CCDC142: variants seen among roughly 807,000 people sequenced by gnomAD.
CCDC142 encodes coiled-coil domain-containing protein 142.
In CCDC142, 67 loss-of-function variants were observed where a neutral mutation model predicts 83.8. The ratio of observed to expected loss-of-function variants is 0.80; its 90% CI spans 0.66 to 0.98. The LOEUF (loss-of-function observed/expected upper bound fraction) is 0.98. Among genes scored for constraint, CCDC142 ranks in the 50% least tolerant of loss-of-function variants. The pLI is 0.00. For synonymous variants in CCDC142, 421 were observed against 421.2 expected (o/e 1.00, Z 0.01); for missense variants, 905 against 946.8 (o/e 0.96, Z 0.58).
At position 74,482,008 on chromosome 2, in the gene CCDC142, C is replaced by A. The variant is rs562865810; in HGVS notation, c.830G>T (p.Gly277Val). The A allele has an allele frequency of 6.2e-7, 1 of 1,613,898 alleles. No homozygotes were observed. Among genetic ancestry groups the A allele is most frequent in the Admixed American group, 1.7e-5 (1 of 60,016 alleles). ...RCQEEGDLLP[G>V]LLGLVGGVAG... ...CACGCCCCCGACCAGGCCCAGCAGC[C>A]CTGGTAGCAGATCCCCCTCCTCTTG... Residue 277 changes from glycine (G) to valine (V), a missense_variant, in exon 1 of 9, where the codon GGG becomes GTG. Physicochemically the swap from Gly to Val is moderately radical, Grantham distance 109 (BLOSUM62 -3). Around this residue, in one of 3 missense-constraint regions of CCDC142, gnomAD observed 591 missense variants for 571.4 expected, o/e 1.03. Transcript: ENST00000393965. This position sits in a 1 kb window ranked among gnomAD's most constrained non-coding sequence, Gnocchi z 5.0.
chr2:74,475,998 A>G (rs1672314843), intron 5 of CCDC142, among the ~76,000 whole-genome samples: 1 of 150,474 alleles, frequency 6.6e-6, no homozygotes, highest in African/African-American at 2.4e-5. Context: ...TTTACTATAC[A>G]AGAGCTTTAA....
intron 5 of CCDC142, among the ~76,000 whole-genome samples, chr2:74,477,141 C>G (rs968933314): frequency 3.3e-5 from 5 of 151,032 alleles, no homozygotes; most frequent in African/African-American, 1.2e-4. Context: ...TTTTTGAGAC[C>G]AAGTTTCGCT....
chr2:74,472,864 G>A lies in CCDC142; in HGVS notation c.*1682C>T. On this transcript the variant is annotated 3_prime_UTR_variant, in exon 9 of 9. Coordinates refer to ENST00000393965, the MANE Select transcript of CCDC142 (RefSeq NM_001365575.2). Reference sequence around the variant, plus strand: ...GGCACAACGCATGGGGGAGCCCAAAGTAGGCTGTCAGCAAATACAGCCTAT... The same window carrying A: ...GGCACAACGCATGGGGGAGCCCAAAATAGGCTGTCAGCAAATACAGCCTAT... 2 of 607,398 alleles carry A rather than the reference G, an allele frequency of 3.3e-6. No individual in the cohort carries two copies. The highest frequency in any genetic ancestry group is 5.8e-6 in the Non-Finnish European group (2 of 342,846). The allele number at this position is 607,398 out of a possible 1,614,324, so 37.6% of individuals were successfully genotyped here.
Position 74,480,827 on chromosome 2 carries a change from G to A in CCDC142, c.1445C>T (p.Ala482Val). 3 of 1,613,950 alleles carry A rather than the reference G, an allele frequency of 1.9e-6. No individual in the cohort carries two copies. Among genetic ancestry groups the A allele is most frequent in the Non-Finnish European group, 2.5e-6 (3 of 1,179,866 alleles). ...GCCCAGCTGCTGCTCCACTTCCAGA[G>A]CTAAGCTTTCCTCTGAGGCCAGGCT... ...LYSLASEESL[A>V]LEVEQQLGLE... Residue 482 changes from alanine to valine, a missense_variant, in exon 5 of 9, where the codon GCT becomes GTT. Physicochemically the swap from Ala to Val is moderately conservative, Grantham distance 64. Coordinates refer to ENST00000393965, the MANE Select transcript of CCDC142 (RefSeq NM_001365575.2).
At chr2:74,479,356 A>C (rs970794534) in intron 5 of CCDC142, among the ~76,000 whole-genome samples, 1 of 152,216 alleles carries the variant, frequency 6.6e-6, no homozygotes, top group African/African-American at 2.4e-5. Flanking sequence ...CTGAGCAGGA[A>C]AACAAAAAAC....
chr2:74,480,206 G>C (rs1270321361), intron 5 of CCDC142, among the ~76,000 whole-genome samples: 1 of 152,182 alleles, frequency 6.6e-6, no homozygotes, highest in African/African-American at 2.4e-5. Flanking sequence ...ACCATGAGTT[G>C]ATAATTGTTA....
rs1461174152 is a variant in CCDC142, at chr2:74,474,476, T to C, written c.*70A>G. ...AGTTCTGGGCTTCCTTAATATGCAA[T>C]TCCAAATGTCTGGATTTTCCAGCTA... On this transcript the variant is annotated 3_prime_UTR_variant, in exon 9 of 9. Coordinates refer to ENST00000393965, the MANE Select transcript of CCDC142 (RefSeq NM_001365575.2). 6.6e-7 allele frequency: 1 copy of C among 1,504,082 alleles called. No homozygotes were observed. Among genetic ancestry groups the C allele is most frequent in the East Asian group, 2.3e-5 (1 of 44,056 alleles). 93.2% of individuals were successfully genotyped at this position (1,504,082 alleles called of 1,614,324 possible).
chr2:74,475,099 G>T lies in CCDC142; in HGVS notation c.1813C>A (p.Gln605Lys), dbSNP rs745782867. 7 of 1,611,148 alleles carry T rather than the reference G, an allele frequency of 4.3e-6. No individual in the cohort carries two copies. The East Asian group carries it at 1.6e-4, about 36-fold the overall frequency. Residue 605 changes from glutamine (Q) to lysine (K), a missense_variant, in exon 8 of 9, where the codon CAG (glutamine) becomes AAG (lysine). By Grantham distance (53) the Gln-to-Lys change is moderately conservative. Around this residue, in one of 3 missense-constraint regions of CCDC142, gnomAD observed 265 missense variants for 288.9 expected, o/e 0.92. Transcript: ENST00000393965. ...ACCACTCCAAAGTCTTGTTTGAGCT[G>T]CAGCGCTCCCTGCAGGCTGAAGGCA... ...GIRFSLQGAL[Q>K]LKQDFGVVRE...
intron 8 of CCDC142, 41 bp downstream of exon 8, chr2:74,474,874 GT>G: frequency 6.3e-7 from 1 of 1,580,124 alleles, no homozygotes; most frequent in Non-Finnish European, 8.6e-7. Flanking sequence ...TGAGAATAGG[GT>G]TTGGGACACA....
intron 5 of CCDC142, among the ~76,000 whole-genome samples, chr2:74,477,078 A>G (rs1180331805): frequency 1.3e-5 from 2 of 151,532 alleles, no homozygotes; most frequent in East Asian, 3.9e-4. Flanking sequence ...TCCCCCACCC[A>G]CTGGGATCTT....
intron 1 of CCDC142, 102 bp from the exon 2 acceptor site, chr2:74,481,640 C>T (rs1672468876): frequency 2.2e-6 from 3 of 1,392,636 alleles, no homozygotes; most frequent in Admixed American, 1.8e-5. Context: ...CTCCAAGACT[C>T]GGGACTGGGG....
rs1335903304 is a variant in CCDC142 at position 74,482,259 on chromosome 2, G to A, written c.579C>T (p.Pro193=). The A allele has an allele frequency of 6.8e-6, 11 of 1,612,798 alleles. No homozygotes were observed. The South Asian group carries it at 1.1e-4, about 16-fold the overall frequency. Reference sequence around the variant, plus strand: ...GTTGGGACGACAGGCCCGGGCTGGCGGGCTCCCGGCCGAGAGCGCGAAGCT... The same window carrying A: ...GTTGGGACGACAGGCCCGGGCTGGCAGGCTCCCGGCCGAGAGCGCGAAGCT... ...EMQLRALGRE[P]ASPGLSSQLA... is the part of the protein sequence containing the mutation. The change falls in exon 1 of 9, where the codon CCC becomes CCT. Residue 193 remains proline, a synonymous_variant. Transcript: ENST00000393965. The surrounding 1 kb of genome is among the most constrained non-coding windows in gnomAD (Gnocchi z 5.0).
In CCDC142 at chr2:74,482,216, C is replaced by A; in HGVS notation, c.622G>T (p.Ala208Ser). The change falls in exon 1 of 9, where the codon GCA becomes TCA. Residue 208 changes from alanine (A) to serine (S), a missense_variant. Around this residue, in one of 3 missense-constraint regions of CCDC142, gnomAD observed 591 missense variants for 571.4 expected, o/e 1.03. Coordinates refer to ENST00000393965, the MANE Select transcript of CCDC142 (RefSeq NM_001365575.2). This position sits in a 1 kb window ranked among gnomAD's most constrained non-coding sequence, Gnocchi z 5.0. ...LSSQLAELLF[A>S]LPAYHTLQRK... ...TGTAGTGTGTGGTAGGCGGGAAGTGCAAAGAGCAGCTCGGCGAGTTGGGAC... is the reference window on the plus strand; with the variant it reads ...TGTAGTGTGTGGTAGGCGGGAAGTGAAAAGAGCAGCTCGGCGAGTTGGGAC... 6.2e-7 allele frequency: 1 copy of A among 1,613,548 alleles called. No homozygotes were observed. The highest frequency in any genetic ancestry group is 1.3e-5 in the African/African-American group (1 of 75,072).
In CCDC142 at chr2:74,474,550, G is replaced by T; in HGVS notation, c.2249C>A (p.Ser750Tyr). 6.2e-7 allele frequency: 1 copy of T among 1,602,348 alleles called. No homozygotes were observed. The highest frequency in any genetic ancestry group is 8.5e-7 in the Non-Finnish European group (1 of 1,174,576). Reference protein sequence around the residue: ...FFSCLGTSPES With the variant: ...FFSCLGTSPEY ...TGGCTCCTGGTCCCAGGCTCCTTAG[G>T]ATTCAGGACTGGTTCCCAGGCAGGA... Residue 750 changes from serine to tyrosine, a missense_variant, in exon 9 of 9, where the codon TCC becomes TAC. This residue lies in a region of CCDC142 where 265 missense variants were observed against 288.9 expected (regional missense o/e 0.92). Transcript: ENST00000393965.
chr2:74,481,236 G>C lies in CCDC142; in HGVS notation c.1245C>G (p.Phe415Leu), dbSNP rs1672443083. The C allele has an allele frequency of 6.2e-7, 1 of 1,614,000 alleles. No homozygotes were observed. The highest frequency in any genetic ancestry group is 1.1e-5 in the South Asian group (1 of 91,080). The change falls in exon 3 of 9, where the codon TTC (phenylalanine) becomes TTG (leucine). Residue 415 changes from phenylalanine (F) to leucine (L), a missense_variant. Physicochemically the swap from Phe to Leu is conservative, Grantham distance 22. Transcript: ENST00000393965. ...CCCTCGTCTCACCTGCAGGCTGGCA[G>C]AAAATCCGTCGTAACCTGGGCTCTC... is the stretch of plus-strand genomic sequence containing the variant. ...ALREPRLRRIFCQPADPAPVA... is the reference protein window; with the variant it reads ...ALREPRLRRILCQPADPAPVA...
Position 74,482,578 on chromosome 2 carries a change from G to C in CCDC142, c.260C>G (p.Ala87Gly). 1 of 1,604,532 alleles carries C rather than the reference G, an allele frequency of 6.2e-7. No individual in the cohort carries two copies. The highest frequency in any genetic ancestry group is 8.5e-7 in the Non-Finnish European group (1 of 1,175,440). ...CAACACCGCCCGGAGACGCTGCAGC[G>C]CGGGAGGGATCGGGCCGCCACCTGC... ...GPAGGGPIPP[A>G]LQRLRAVLLR... The change falls in exon 1 of 9, where the codon GCG becomes GGG. Residue 87 changes from alanine (A) to glycine (G), a missense_variant. Physicochemically the swap from Ala to Gly is moderately conservative, Grantham distance 60. Transcript: ENST00000393965. The surrounding 1 kb of genome is among the most constrained non-coding windows in gnomAD (Gnocchi z 5.0).
At position 74,474,462 on chromosome 2, in the gene CCDC142, T is replaced by A; in HGVS notation, c.*84A>T. On this transcript the variant is annotated 3_prime_UTR_variant, in exon 9 of 9. Coordinates refer to ENST00000393965, the MANE Select transcript of CCDC142 (RefSeq NM_001365575.2). ...TCCTCCAAGCTTCCAGTTCTGGGCT[T>A]CCTTAATATGCAATTCCAAATGTCT... 1 of 1,463,714 alleles carries A rather than the reference T, an allele frequency of 6.8e-7. No homozygotes were observed. The highest frequency in any genetic ancestry group is 9.1e-7 in the Non-Finnish European group (1 of 1,099,930). 90.7% of individuals were successfully genotyped at this position (1,463,714 alleles called of 1,614,324 possible).
In CCDC142 at chr2:74,473,419, C is replaced by G. The variant is rs1474458171; in HGVS notation, c.*1127G>C. 1.3e-5 allele frequency: 2 copies of G among 152,276 alleles called. No individual in the cohort carries two copies. The highest frequency in any genetic ancestry group is 3.9e-4 in the East Asian group (2 of 5,168). 9.4% of individuals were successfully genotyped at this position (152,276 alleles called of 1,614,324 possible). A position where few individuals can be genotyped will look rare whatever the true frequency, so the allele number is the denominator to read the frequency against. Reference sequence around the variant, plus strand: ...CACTGCAATCTCTGCCTCCCGGGTTCAAGCGATTCTCATGCCTCAGCCTCC... The same window carrying G: ...CACTGCAATCTCTGCCTCCCGGGTTGAAGCGATTCTCATGCCTCAGCCTCC... On this transcript the variant is annotated 3_prime_UTR_variant, in exon 9 of 9. Coordinates refer to ENST00000393965, the MANE Select transcript of CCDC142 (RefSeq NM_001365575.2).
intron 3 of CCDC142, 49 bp from the exon 4 acceptor site, chr2:74,481,135 T>C (rs1558574366): frequency 1.2e-6 from 2 of 1,610,074 alleles, no homozygotes; most frequent in African/African-American, 1.3e-5. Flanking sequence ...ATGGAGTACC[T>C]TTGGGAAGAG....
Sources: gnomAD v4.1 joint callset for allele counts (sites outside exome capture counted in the v4.1 genomes callset) on GRCh38, gnomAD v4.1.1 for gene constraint, gnomAD v4.1.1 regional missense constraint, Gnocchi (gnomAD v3.1) non-coding constraint, MANE v1.5 for transcripts, NCBI Gene and HGNC (gene_info 2026-07-23, HGNC 2026-07-21) for gene names.